OSR1: variants seen among roughly 807,000 people sequenced by gnomAD.
OSR1 encodes odd-skipped related transcription factor 1, also known as protein odd-skipped-related 1.
A neutral mutation model predicts 15.7 loss-of-function variants in OSR1; 3 were observed. The ratio of observed to expected loss-of-function variants is 0.19; its 90% confidence interval spans 0.09 to 0.50. OSR1 has a LOEUF of 0.50. Among genes scored for constraint, OSR1 ranks in the 20% least tolerant of loss-of-function variants. OSR1 has a pLI of 0.97. For missense variants in OSR1, 271 were observed against 351.1 expected (o/e 0.77, Z 1.82); for synonymous variants, 166 against 152.7 (o/e 1.09, Z -0.64).
At chr2:19,347,039 T>G (rs768431300), downstream of OSR1, among the ~76,000 whole-genome samples, 14 of 152,198 alleles carry the variant, frequency 9.2e-5, no homozygotes, top group Non-Finnish European at 1.6e-4. Flanking sequence ...CCCTACGTCA[T>G]TGAAAAAAGG....
rs1664860280 is a variant in OSR1 at position 19,352,417 on chromosome 2, G to A, written c.666-7C>T. ...CTCTTTGGAGTGAATATATCTGAGG[G>A]CAGAAACAGAGAGTTCATCCTTGCA... On this transcript the variant is annotated splice_region_variant and splice_polypyrimidine_tract_variant and intron_variant, in intron 2 of 2. Coordinates refer to ENST00000272223, the MANE Select transcript of OSR1 (RefSeq NM_145260.3). The A allele has an allele frequency of 6.2e-7, 1 of 1,613,798 alleles. No individual in the cohort carries two copies. The highest frequency in any genetic ancestry group is 1.3e-5 in the African/African-American group (1 of 75,036).
chr2:19,353,529 G>T lies in OSR1; in HGVS notation c.277C>A (p.Pro93Thr). Residue 93 changes from proline to threonine, a missense_variant, in exon 2 of 3, where the codon CCT becomes ACT. Around this residue, in one of 4 missense-constraint regions of OSR1, gnomAD observed 210 missense variants for 218.4 expected, o/e 0.96. Transcript: ENST00000272223. ...RFQLPAFPWFPHVIQPKPEIT... is the reference protein window; with the variant it reads ...RFQLPAFPWFTHVIQPKPEIT... ...TCGGGCTTGGGTTGAATGACATGAG[G>T]GAACCAGGGAAAGGCGGGCAGCTGG... is the stretch of plus-strand genomic sequence containing the variant. 1 of 1,614,232 alleles carries T rather than the reference G, an allele frequency of 6.2e-7. No homozygotes were observed. The highest frequency in any genetic ancestry group is 8.5e-7 in the Non-Finnish European group (1 of 1,180,038).
chr2:19,352,717 G>A lies in OSR1; in HGVS notation c.666-307C>T, dbSNP rs553179334. On this transcript the variant is annotated intron_variant, in intron 2 of 2. Transcript: ENST00000272223. ...AAGATGAGTAAAGGGAGCTGGGGTC[G>A]GACAATTTGCTCGACCTGCGCTGTC... 4.9e-4 allele frequency among the ~76,000 whole-genome samples: 75 copies of A among 152,296 alleles called. No individual in the cohort carries two copies. The South Asian group carries it at 8.7e-3, about 18-fold the overall frequency.
At chr2:19,348,013 C>A (rs1221397651), downstream of OSR1, among the ~76,000 whole-genome samples, 1 of 152,266 alleles carries the variant, frequency 6.6e-6, no homozygotes, top group East Asian at 1.9e-4. Flanking sequence ...GACTCCGGCA[C>A]CAGCAGCACT....
At position 19,353,711 on chromosome 2, in the gene OSR1, G is replaced by A; in HGVS notation, c.95C>T (p.Thr32Ile). ...SFLQAVNGLP[T>I]VPSDHLPNLY... ...GTTGGGCAGATGGTCCGAAGGCACT[G>A]TGGGCAGGCCGTTCACTGCCTGAAG... Residue 32 changes from threonine (T) to isoleucine (I), a missense_variant, in exon 2 of 3, where the codon ACA (threonine) becomes ATA (isoleucine). This residue lies in a region of OSR1 where 210 missense variants were observed against 218.4 expected (regional missense o/e 0.96). Coordinates refer to ENST00000272223, the MANE Select transcript of OSR1 (RefSeq NM_145260.3). 4 of 1,614,168 alleles carry A rather than the reference G, an allele frequency of 2.5e-6. No homozygotes were observed. Among genetic ancestry groups the A allele is most frequent in the Non-Finnish European group, 3.4e-6 (4 of 1,180,006 alleles).
chr2:19,352,449 T>G, intron 2 of OSR1, 39 bp from the exon 3 acceptor site: 1 of 1,611,366 alleles, frequency 6.2e-7, no homozygotes, highest in East Asian at 2.2e-5. Flanking sequence ...TGCAAAATGA[T>G]GCAATGTTAT....
intron 1 of OSR1, chr2:19,355,366 C>T (rs1045539121): frequency 5.9e-5 from 9 of 152,628 alleles, no homozygotes; most frequent in Non-Finnish European, 1.0e-4. Context: ...CCTAGTTTGG[C>T]GTGCCCCCTC....
In OSR1 at chr2:19,357,461, G is replaced by C. The variant is rs971765039; in HGVS notation, c.-33+880C>G. ...TAAACGTGGTTTTTCATTCTTCTCC[G>C]AGACATTTCCGAGGAGAAATTAGTT... is the stretch of plus-strand genomic sequence containing the variant. On this transcript the variant is annotated intron_variant, in intron 1 of 2. Coordinates refer to ENST00000272223, the MANE Select transcript of OSR1 (RefSeq NM_145260.3). The surrounding 1 kb of genome is among the most constrained non-coding windows in gnomAD (Gnocchi z 5.0). Among the ~76,000 whole-genome samples, 8 of 152,282 alleles carry C rather than the reference G, an allele frequency of 5.3e-5. No individual in the cohort carries two copies. Among genetic ancestry groups the C allele is most frequent in the Non-Finnish European group, 5.9e-5 (4 of 68,024 alleles).
rs1664996852 is a variant in OSR1, at chr2:19,358,481, G to A, written c.-173C>T. On this transcript the variant is annotated 5_prime_UTR_variant, in exon 1 of 3. Transcript: ENST00000272223. ...TCCTCTCCTGCCGCGGGGACTCCAAGCGCCGGACACGCGGGAGCGAGCGCT... is the reference window on the plus strand; with the variant it reads ...TCCTCTCCTGCCGCGGGGACTCCAAACGCCGGACACGCGGGAGCGAGCGCT... 6.6e-6 allele frequency: 1 copy of A among 152,302 alleles called. No individual in the cohort carries two copies. Among genetic ancestry groups the A allele is most frequent in the African/African-American group, 2.4e-5 (1 of 41,466 alleles). The allele number at this position is 152,302 out of a possible 1,614,324, so 9.4% of individuals were successfully genotyped here.
chr2:19,348,936 C>A (rs1165393971), downstream of OSR1, among the ~76,000 whole-genome samples: 1 of 152,216 alleles, frequency 6.6e-6, no homozygotes. Flanking sequence ...GGCCTAGCAG[C>A]TTTGAGAAGG....
At chr2:19,351,444 C>G (rs1403093978), downstream of OSR1, 1 of 152,354 alleles carries the variant, frequency 6.6e-6, no homozygotes, top group African/African-American at 2.4e-5. Flanking sequence ...GAGGACCCAA[C>G]CGGTTTCCTG....
At chr2:19,348,290 GC>G (rs1664773783), downstream of OSR1, 1 of 152,998 alleles carries the variant, frequency 6.5e-6, no homozygotes, top group Non-Finnish European at 1.5e-5. Context: ...CCGATTCGTG[GC>G]GCCTGCCTGG....
chr2:19,346,807 C>G (rs1664737360), downstream of OSR1: 1 of 152,236 alleles, frequency 6.6e-6, no homozygotes, highest in Non-Finnish European at 1.5e-5. Flanking sequence ...CACAAGGAAG[C>G]TTTCACTCTG....
downstream of OSR1, chr2:19,348,470 G>A (rs1244329954): frequency 1.3e-5 from 2 of 154,310 alleles, no homozygotes; most frequent in Non-Finnish European, 2.9e-5. Flanking sequence ...GTCTGCGGGA[G>A]GAGACCATGA....
chr2:19,347,974 C>A (rs140353871), downstream of OSR1, among the ~76,000 whole-genome samples: 171 of 152,382 alleles, frequency 1.1e-3, 1 homozygote, highest in African/African-American at 4.0e-3. Flanking sequence ...AACTCCGCGA[C>A]GATTTCCACG....
chr2:19,351,120 T>C (rs1664830051), downstream of OSR1, among the ~76,000 whole-genome samples: 1 of 152,140 alleles, frequency 6.6e-6, no homozygotes, highest in Non-Finnish European at 1.5e-5. Flanking sequence ...TCTTGCACCC[T>C]AAGCGATCTC....
At chr2:19,353,009 T>C in intron 2 of OSR1, 132 bp downstream of exon 2, 1 of 1,175,674 alleles carries the variant, frequency 8.5e-7, no homozygotes, top group Non-Finnish European at 1.2e-6. Flanking sequence ...AGGCTTTCCT[T>C]CTTGATTTTA....
At chr2:19,347,894 C>T (rs1045490745), downstream of OSR1, among the ~76,000 whole-genome samples, 3 of 152,238 alleles carry the variant, frequency 2.0e-5, no homozygotes, top group Admixed American at 1.3e-4. Flanking sequence ...CCCACACATA[C>T]GCCAACGGCT....
At chr2:19,350,134 C>G (rs933937770), downstream of OSR1, among the ~76,000 whole-genome samples, 1 of 152,230 alleles carries the variant, frequency 6.6e-6, no homozygotes, top group Non-Finnish European at 1.5e-5. Context: ...CCAGACCAGA[C>G]TCAGCAGCGC....
Sources: allele counts gnomAD v4.1 joint callset (sites outside exome capture counted in the v4.1 genomes callset), GRCh38; gene constraint gnomAD v4.1.1; regional missense constraint gnomAD v4.1.1; non-coding constraint Gnocchi (gnomAD v3.1); transcripts MANE v1.5; gene names NCBI Gene and HGNC (gene_info 2026-07-23, HGNC 2026-07-21).